ZNF385D: variants seen among roughly 807,000 people sequenced by gnomAD.
The protein encoded by ZNF385D is zinc finger protein 385D, also known as zinc finger protein 659.
ZNF385D carries 15 observed loss-of-function variants against 35.8 expected under a neutral mutation model. That is an observed-to-expected ratio of 0.42 (90% CI 0.28 to 0.64). The LOEUF (loss-of-function observed/expected upper bound fraction) is 0.64, where lower values mean the gene tolerates loss of function less well. Among genes scored for constraint, ZNF385D ranks in the 30% least tolerant of loss-of-function variants. ZNF385D has a pLI of 0.23. For synonymous variants in ZNF385D, 212 were observed against 186.8 expected (o/e 1.13, Z -1.10); for missense variants, 474 against 494.6 (o/e 0.96, Z 0.39).
chr3:22,091,071 A>C (rs750312568), intron 3 of ZNF385D, among the ~76,000 whole-genome samples: 3 of 152,174 alleles, frequency 2.0e-5, no homozygotes, highest in Non-Finnish European at 4.4e-5. Flanking sequence ...TAGGCCAAGA[A>C]GCAGAGAATA....
intron 1 of ZNF385D, among the ~76,000 whole-genome samples, chr3:21,720,095 A>G (rs570760513): frequency 2.0e-5 from 3 of 152,180 alleles, no homozygotes; most frequent in Non-Finnish European, 4.4e-5. Flanking sequence ...TCTCACCTCT[A>G]GAGAATCTAA....
intron 3 of ZNF385D, among the ~76,000 whole-genome samples, chr3:21,544,609 A>G (rs1306410522): frequency 6.6e-6 from 1 of 152,196 alleles, no homozygotes; most frequent in Non-Finnish European, 1.5e-5. Flanking sequence ...ACTGAATTCA[A>G]AAAAAGGTAT....
chr3:21,831,705 G>T (rs1695000485), intron 3 of ZNF385D, among the ~76,000 whole-genome samples: 1 of 152,298 alleles, frequency 6.6e-6, no homozygotes, highest in East Asian at 1.9e-4. Flanking sequence ...AGATCGCTTT[G>T]CCTTCTATTG....
intron 2 of ZNF385D, among the ~76,000 whole-genome samples, chr3:22,192,065 C>T (rs995675305): frequency 1.3e-5 from 2 of 152,128 alleles, no homozygotes; most frequent in Non-Finnish European, 2.9e-5. Context: ...TTCTCCATCC[C>T]ACTTACTCAA....
intron 3 of ZNF385D, among the ~76,000 whole-genome samples, chr3:21,768,774 C>A (rs1040583409): frequency 6.6e-6 from 1 of 151,938 alleles, no homozygotes; most frequent in East Asian, 1.9e-4. Flanking sequence ...ACCCACCGTC[C>A]CCCATTGAAA....
chr3:22,065,650 G>A (rs1699906987), intron 3 of ZNF385D, among the ~76,000 whole-genome samples: 1 of 149,500 alleles, frequency 6.7e-6, no homozygotes, highest in South Asian at 2.1e-4. Context: ...GGTGAGTTCA[G>A]TTAGGCAAAT....
chr3:21,512,970 A>G (rs1045979759), intron 3 of ZNF385D, among the ~76,000 whole-genome samples: 2 of 152,170 alleles, frequency 1.3e-5, no homozygotes, highest in Non-Finnish European at 2.9e-5. Flanking sequence ...TGGTGATACA[A>G]GTGAATGTTT....
chr3:22,299,615 T>G (rs1053849502), intron 2 of ZNF385D, among the ~76,000 whole-genome samples: 5 of 151,892 alleles, frequency 3.3e-5, no homozygotes, highest in Non-Finnish European at 7.4e-5. Flanking sequence ...AATAAATGAA[T>G]TCTGTAAAGT....
intron 3 of ZNF385D, among the ~76,000 whole-genome samples, chr3:21,979,419 A>G (rs1034319768): frequency 2.0e-5 from 3 of 152,226 alleles, no homozygotes; most frequent in Admixed American, 2.0e-4. Context: ...CTTTTTATCC[A>G]ATATTTGACA....
In ZNF385D at chr3:21,878,188, C is replaced by T. The variant is rs181576142; in HGVS notation, c.326-213160G>A. 2.0e-4 allele frequency: 31 copies of T among 152,032 alleles called. 1 individual carries two copies. The highest frequency in any genetic ancestry group is 1.4e-3 in the Admixed American group (21 of 15,204). The allele number at this position is 152,032 out of a possible 1,614,324, so 9.4% of individuals were successfully genotyped here. ...GGAGATATTATTACTACGTCTTACA[C>T]ATGAGGAAACTAAGGTATAGAGAGA... On this transcript the variant is annotated intron_variant, in intron 3 of 5. Coordinates refer to the ZNF385D transcript ENST00000494108.
rs966063575 is a variant in ZNF385D, at chr3:22,170,498, G to C, written c.107-1463C>G. Among the ~76,000 whole-genome samples, 11 of 152,080 alleles carry C rather than the reference G, an allele frequency of 7.2e-5. 1 individual carries two copies. Among genetic ancestry groups the C allele is most frequent in the African/African-American group, 2.7e-4 (11 of 41,402 alleles). Reference sequence around the variant, plus strand: ...AAATTCCAAAATGAGTAAAAGGTTGGTCAGTACATAACGCATGCTTTCTTT... The same window carrying C: ...AAATTCCAAAATGAGTAAAAGGTTGCTCAGTACATAACGCATGCTTTCTTT... On this transcript the variant is annotated intron_variant, in intron 2 of 5. Coordinates refer to the ZNF385D transcript ENST00000494108.
At chr3:22,353,337 T>C (rs1696003753) in intron 2 of ZNF385D, among the ~76,000 whole-genome samples, 2 of 152,196 alleles carry the variant, frequency 1.3e-5, no homozygotes, top group African/African-American at 4.8e-5. Flanking sequence ...TCCTGGACCA[T>C]GACCATGCCC....
At chr3:21,549,537 G>C (rs2062495860) in intron 3 of ZNF385D, among the ~76,000 whole-genome samples, 1 of 152,152 alleles carries the variant, frequency 6.6e-6, no homozygotes, top group Non-Finnish European at 1.5e-5. Context: ...TCAAAAAAGA[G>C]CTCCCAGTCA....
At chr3:21,799,263 T>C (rs2072291321) in intron 3 of ZNF385D, among the ~76,000 whole-genome samples, 1 of 152,178 alleles carries the variant, frequency 6.6e-6, no homozygotes, top group African/African-American at 2.4e-5. Flanking sequence ...AATATTCCCA[T>C]ACATGTTTTT....
At chr3:22,101,316 A>T (rs946254963) in intron 3 of ZNF385D, among the ~76,000 whole-genome samples, 1 of 152,044 alleles carries the variant, frequency 6.6e-6, no homozygotes, top group Non-Finnish European at 1.5e-5. Flanking sequence ...AGATAGAGAG[A>T]TAGAAGTAGG....
At chr3:21,986,144 G>T (rs1467794536) in intron 3 of ZNF385D, among the ~76,000 whole-genome samples, 1 of 77,036 alleles carries the variant, frequency 1.3e-5, no homozygotes, top group Non-Finnish European at 2.3e-5. Flanking sequence ...ATTTTTTGAA[G>T]GGTTTTTTGT....
At chr3:21,681,783 T>A (rs1273171118) in intron 1 of ZNF385D, among the ~76,000 whole-genome samples, 7 of 149,512 alleles carry the variant, frequency 4.7e-5, no homozygotes, top group Non-Finnish European at 1.0e-4. Context: ...TTAGAAAATA[T>A]CAAGACTGTA....
intron 3 of ZNF385D, among the ~76,000 whole-genome samples, chr3:22,165,567 T>G (rs1706258439): frequency 2.0e-5 from 3 of 152,246 alleles, no homozygotes; most frequent in Admixed American, 6.5e-5. Context: ...AAGAAACTCT[T>G]TATCCTACTA....
At chr3:22,318,227 A>G (rs150133732) in intron 2 of ZNF385D, among the ~76,000 whole-genome samples, 4 of 152,288 alleles carry the variant, frequency 2.6e-5, no homozygotes, top group Non-Finnish European at 5.9e-5. Flanking sequence ...GGAAGCAAAT[A>G]AAGATTGAAT....
Sources: gnomAD v4.1 joint callset for allele counts (sites outside exome capture counted in the v4.1 genomes callset) on GRCh38, gnomAD v4.1.1 for gene constraint, MANE v1.5 for transcripts, NCBI Gene and HGNC (gene_info 2026-07-23, HGNC 2026-07-21) for gene names.